The following CNTROB variants were observed in gnomAD, a reference collection of about 807,000 sequenced individuals.
The protein encoded by CNTROB is centrobin, centriole duplication and spindle assembly protein.
CNTROB carries 82 observed loss-of-function variants against 115.7 expected under a neutral mutation model. That is an observed-to-expected ratio of 0.71 (90% CI 0.59 to 0.85). The LOEUF is 0.85. CNTROB is among the 40% of genes least tolerant of loss of function. The pLI is 0.00. For synonymous variants in CNTROB, 439 were observed against 456.4 expected (o/e 0.96, Z 0.49); for missense variants, 1,014 against 1,144.4 (o/e 0.89, Z 1.64).
chr17:7,944,769 C>T lies in CNTROB; in HGVS notation c.1734+131C>T, dbSNP rs1479204861. On this transcript the variant is annotated intron_variant, in intron 12 of 18. Transcript: ENST00000563694. This position sits in a 1 kb window ranked among gnomAD's most constrained non-coding sequence, Gnocchi z 4.0. ...CATAGCTCATTGCAGCCTCGAACTC[C>T]TGGGCTCAAGTGATCCTCCCACCTC... The T allele has an allele frequency of 9.0e-7, 1 of 1,113,964 alleles. No homozygotes were observed. The highest frequency in any genetic ancestry group is 1.2e-6 in the Non-Finnish European group (1 of 807,500). 69.0% of individuals were successfully genotyped at this position (1,113,964 alleles called of 1,614,324 possible).
intron 9 of CNTROB, among the ~76,000 whole-genome samples, chr17:7,941,598 CAAAA>C (rs34778352): frequency 1.2e-5 from 1 of 80,006 alleles, no homozygotes. Flanking sequence ...GACTCCATCT[CAAAA>C]AAAAAAAAAA....
chr17:7,946,084 TC>T, intron 13 of CNTROB, 98 bp downstream of exon 13: 1 of 1,112,944 alleles, frequency 9.0e-7, no homozygotes, highest in Non-Finnish European at 1.3e-6. Context: ...GCATTTAGTT[TC>T]CCAGATGCCT....
intron 3 of CNTROB, 95 bp downstream of exon 3, chr17:7,934,641 T>G: frequency 9.0e-7 from 1 of 1,111,036 alleles, no homozygotes; most frequent in Non-Finnish European, 1.4e-6. Flanking sequence ...TTGTACCTCT[T>G]AAGAACCCAA....
At chr17:7,936,503 G>T in intron 5 of CNTROB, 21 bp downstream of exon 5, 1 of 950,270 alleles carries the variant, frequency 1.1e-6, no homozygotes, top group Non-Finnish European at 1.7e-6. Context: ...AGCAAAATGT[G>T]GGTGGGTCTC....
intron 3 of CNTROB, 87 bp from the exon 4 acceptor site, chr17:7,934,902 A>C (rs1397346991): frequency 6.9e-7 from 1 of 1,444,646 alleles, no homozygotes; most frequent in Non-Finnish European, 9.3e-7. Flanking sequence ...TCTGGGTCTC[A>C]GTTTCCTCAT....
Position 7,943,389 on chromosome 17 carries a change from A to C in CNTROB, c.1312-2A>C, listed in dbSNP as rs1974143065. On this transcript the variant is annotated splice_acceptor_variant, in intron 9 of 18. Transcript: ENST00000563694. LOFTEE classifies it high-confidence loss of function. The surrounding 1 kb of genome is among the most constrained non-coding windows in gnomAD (Gnocchi z 4.7). Reference sequence around the variant, plus strand: ...CCGTTATCCCACCTTCCTTCACTCCAGGCCCGGTATGAAAGCCAGCGGATC... The same window carrying C: ...CCGTTATCCCACCTTCCTTCACTCCCGGCCCGGTATGAAAGCCAGCGGATC... 1 of 1,611,582 alleles carries C rather than the reference A, an allele frequency of 6.2e-7. No individual in the cohort carries two copies. The highest frequency in any genetic ancestry group is 1.3e-5 in the African/African-American group (1 of 74,878).
At position 7,944,581 on chromosome 17, in the gene CNTROB, C is replaced by T; in HGVS notation, c.1677C>T (p.Ala559=). The part of the protein sequence containing the change: ...LVERLQAMLQ[A]HWDEANQLLS... Reference sequence around the variant, plus strand: ...AAAGACTGCAGGCCATGCTGCAGGCCCACTGGGATGAGGCCAACCAGCTGC... The same window carrying T: ...AAAGACTGCAGGCCATGCTGCAGGCTCACTGGGATGAGGCCAACCAGCTGC... The change falls in exon 12 of 19, where the codon GCC becomes GCT. Residue 559 remains alanine, a synonymous_variant. Transcript: ENST00000563694. The surrounding 1 kb of genome is among the most constrained non-coding windows in gnomAD (Gnocchi z 4.0). 6.2e-7 allele frequency: 1 copy of T among 1,614,138 alleles called. No homozygotes were observed. The highest frequency in any genetic ancestry group is 8.5e-7 in the Non-Finnish European group (1 of 1,180,018).
At position 7,945,816 on chromosome 17, in the gene CNTROB, C is replaced by G. The variant is rs770244902; in HGVS notation, c.1823C>G (p.Ala608Gly). 8 of 1,614,092 alleles carry G rather than the reference C, an allele frequency of 5.0e-6. No homozygotes were observed. Among genetic ancestry groups the G allele is most frequent in the Non-Finnish European group, 6.8e-6 (8 of 1,180,040 alleles). Residue 608 changes from alanine (A) to glycine (G), a missense_variant, in exon 13 of 19, where the codon GCC becomes GGC. Ala to Gly is a moderately conservative substitution (Grantham distance 60, BLOSUM62 0). Coordinates refer to ENST00000563694, the MANE Select transcript of CNTROB (RefSeq NM_053051.5). ...RVWTMPPMAV[A>G]LKPVLQQSRE... ...TGGACTATGCCTCCCATGGCCGTGGCCCTGAAGCCTGTATTGCAGCAGAGC... is the reference window on the plus strand; with the variant it reads ...TGGACTATGCCTCCCATGGCCGTGGGCCTGAAGCCTGTATTGCAGCAGAGC...
chr17:7,942,413 C>T (rs566439698), intron 9 of CNTROB, among the ~76,000 whole-genome samples: 11 of 151,842 alleles, frequency 7.2e-5, no homozygotes, highest in African/African-American at 1.7e-4. Flanking sequence ...CTGGCTAACA[C>T]GGTGAAACCC....
rs1972685826 is a variant in CNTROB at position 7,933,006 on chromosome 17, C to A, written c.-74C>A. On this transcript the variant is annotated 5_prime_UTR_variant, in exon 1 of 19. Coordinates refer to ENST00000563694, the MANE Select transcript of CNTROB (RefSeq NM_053051.5). ...CTTCTCCCAAGTCTTTCTCCGTGAA[C>A]TTTTCCTCCTGGACTTTGCTAAAGC... 1 of 1,505,062 alleles carries A rather than the reference C, an allele frequency of 6.6e-7. No individual in the cohort carries two copies. Among genetic ancestry groups the A allele is most frequent in the Non-Finnish European group, 9.0e-7 (1 of 1,115,040 alleles). 93.2% of individuals were successfully genotyped at this position (1,505,062 alleles called of 1,614,324 possible).
At chr17:7,941,409 G>A (rs1371342093) in intron 9 of CNTROB, among the ~76,000 whole-genome samples, 4 of 151,824 alleles carry the variant, frequency 2.6e-5, no homozygotes, top group Non-Finnish European at 4.4e-5. Flanking sequence ...AGACCAGCCC[G>A]GCCAACATGG....
chr17:7,945,770 G>C lies in CNTROB; in HGVS notation c.1777G>C (p.Glu593Gln), dbSNP rs1311220350. 6.2e-7 allele frequency: 1 copy of C among 1,614,202 alleles called. No homozygotes were observed. The highest frequency in any genetic ancestry group is 1.3e-5 in the African/African-American group (1 of 75,058). ...CTCCAGCCCCGGGCCTCAGGAGCCC[G>C]AGAAGGAGGAGAGGAGGGTCTGGAC... Reference protein sequence around the residue: ...GPSSPGPQEPEKEERRVWTMP... With the variant: ...GPSSPGPQEPQKEERRVWTMP... The change falls in exon 13 of 19, where the codon GAG becomes CAG. Residue 593 changes from glutamate (E) to glutamine (Q), a missense_variant. Glu to Gln is a conservative substitution (Grantham distance 29). Transcript: ENST00000563694.
chr17:7,932,951 C>A lies in CNTROB; in HGVS notation c.-129C>A. Reference sequence around the variant, plus strand: ...AGAAAGCCTCGATATCCTTAATTCACCAAGGATCCTTGGCGTGGAGTCTTC... The same window carrying A: ...AGAAAGCCTCGATATCCTTAATTCAACAAGGATCCTTGGCGTGGAGTCTTC... On this transcript the variant is annotated 5_prime_UTR_variant, in exon 1 of 19. Transcript: ENST00000563694. The A allele has an allele frequency of 9.6e-7, 1 of 1,046,720 alleles. No individual in the cohort carries two copies. Among genetic ancestry groups the A allele is most frequent in the Non-Finnish European group, 1.4e-6 (1 of 720,300 alleles). The allele number at this position is 1,046,720 out of a possible 1,614,324, so 64.8% of individuals were successfully genotyped here. A position where few individuals can be genotyped will look rare whatever the true frequency, so the allele number is the denominator to read the frequency against.
chr17:7,946,620 C>T (rs986078173), intron 13 of CNTROB, among the ~76,000 whole-genome samples: 3 of 152,056 alleles, frequency 2.0e-5, no homozygotes, highest in Non-Finnish European at 4.4e-5. Flanking sequence ...GTAATGCTAG[C>T]GCGTTGGGAG....
chr17:7,943,730 C>G lies in CNTROB; in HGVS notation c.1445+206C>G. Reference sequence around the variant, plus strand: ...GCCAGAAGTGCCTGGGAATTTTCATCCCATAGGGAGTAGCCCTTAACCAAG... The same window carrying G: ...GCCAGAAGTGCCTGGGAATTTTCATGCCATAGGGAGTAGCCCTTAACCAAG... On this transcript the variant is annotated intron_variant, in intron 10 of 18. Transcript: ENST00000563694. The surrounding 1 kb of genome is among the most constrained non-coding windows in gnomAD (Gnocchi z 4.7). 1 of 580,716 alleles carries G rather than the reference C, an allele frequency of 1.7e-6. No homozygotes were observed. 36.0% of individuals were successfully genotyped at this position (580,716 alleles called of 1,614,324 possible).
At chr17:7,949,328 T>TG in intron 18 of CNTROB, 57 bp from the exon 19 acceptor site, 1 of 1,605,916 alleles carries the variant, frequency 6.2e-7, no homozygotes, top group Non-Finnish European at 8.5e-7. Flanking sequence ...CTCAGTGGGG[T>TG]GGGGAATTGA....
chr17:7,948,874 C>A lies in CNTROB; in HGVS notation c.2514-211C>A, dbSNP rs1974879901. The stretch of plus-strand genomic sequence containing the variant: ...CTACCTTCGTTTTTTTCCTCTTTAC[C>A]CCTCAGCTCAAAACTCAGAATCCTA... On this transcript the variant is annotated intron_variant, in intron 17 of 18. Transcript: ENST00000563694. This position sits in a 1 kb window ranked among gnomAD's most constrained non-coding sequence, Gnocchi z 4.4. 4 of 1,456,920 alleles carry A rather than the reference C, an allele frequency of 2.7e-6. No individual in the cohort carries two copies. The East Asian group carries it at 1.0e-4, about 36-fold the overall frequency. 90.2% of individuals were successfully genotyped at this position (1,456,920 alleles called of 1,614,324 possible). A position where few individuals can be genotyped will look rare whatever the true frequency, so the allele number is the denominator to read the frequency against.
intron 13 of CNTROB, 123 bp from the exon 14 acceptor site, chr17:7,947,448 C>A: frequency 1.1e-6 from 1 of 946,072 alleles, no homozygotes; most frequent in Non-Finnish European, 1.5e-6. Context: ...CTTCTCTTAG[C>A]TGTGATGTTC....
chr17:7,940,392 G>A (rs73235735), intron 9 of CNTROB, 150 bp downstream of exon 9: 31 of 643,008 alleles, frequency 4.8e-5, no homozygotes, highest in Non-Finnish European at 7.1e-5. Context: ...GTAGTTTTCT[G>A]TCCTAAACTC....
Sources: allele counts gnomAD v4.1 joint callset (sites outside exome capture counted in the v4.1 genomes callset), GRCh38; gene constraint gnomAD v4.1.1; non-coding constraint Gnocchi (gnomAD v3.1); transcripts MANE v1.5; gene names NCBI Gene and HGNC (gene_info 2026-07-23, HGNC 2026-07-21).